Variants in CLIC6 observed in about 807,000 individuals in gnomAD.
CLIC6 encodes CLIC family member 6.
CLIC6 carries 39 observed loss-of-function variants against 49.2 expected under a neutral mutation model. That is an observed-to-expected ratio of 0.79 (90% confidence interval 0.61 to 1.04). The LOEUF is 1.04. CLIC6 is among the 50% of genes least tolerant of loss of function. The pLI is 0.00. For missense variants in CLIC6, 988 were observed against 993.1 expected (o/e 0.99, Z 0.07); for synonymous variants, 446 against 433.4 (o/e 1.03, Z -0.36).
Position 34,669,349 on chromosome 21 carries a change from T to G in CLIC6, c.-40T>G, listed in dbSNP as rs1317457153. 3 of 1,232,078 alleles carry G rather than the reference T, an allele frequency of 2.4e-6. No homozygotes were observed. The highest frequency in any genetic ancestry group is 3.0e-6 in the Non-Finnish European group (3 of 987,346). 76.3% of individuals were successfully genotyped at this position (1,232,078 alleles called of 1,614,324 possible). Reference sequence around the variant, plus strand: ...CAGCGCCACCGACCCTTAAGCAGCGTCAAGGAAGGAGTCCCGATCAAGGAC... The same window carrying G: ...CAGCGCCACCGACCCTTAAGCAGCGGCAAGGAAGGAGTCCCGATCAAGGAC... On this transcript the variant is annotated 5_prime_UTR_variant, in exon 1 of 6. Transcript: ENST00000349499.
chr21:34,715,249 C>T (rs1410290402), intron 5 of CLIC6, among the ~76,000 whole-genome samples: 2 of 152,180 alleles, frequency 1.3e-5, no homozygotes, highest in African/African-American at 4.8e-5. Flanking sequence ...GTGTTGAGAT[C>T]CTAACCCCCA....
intron 1 of CLIC6, among the ~76,000 whole-genome samples, chr21:34,672,584 T>C (rs1989586266): frequency 6.6e-6 from 1 of 152,230 alleles, no homozygotes; most frequent in Non-Finnish European, 1.5e-5. Context: ...GCCCTCAGCC[T>C]GCTATGTCTC....
chr21:34,700,825 C>G (rs1365355915), intron 1 of CLIC6, among the ~76,000 whole-genome samples: 1 of 139,788 alleles, frequency 7.2e-6, no homozygotes, highest in Admixed American at 6.9e-5. Context: ...GTTCTCTGGA[C>G]GCTTGCCACC....
Position 34,670,679 on chromosome 21 carries a change from C to G in CLIC6, c.1291C>G (p.Arg431Gly), listed in dbSNP as rs1013158844. ...CGCCGAGGGTAGCGGCGAGGCCGCGCGCGTGAACGGCCGCCGGGAGGACGG... is the reference window on the plus strand; with the variant it reads ...CGCCGAGGGTAGCGGCGAGGCCGCGGGCGTGAACGGCCGCCGGGAGGACGG... Reference protein sequence around the residue: ...GPAEGSGEAARVNGRREDGEA... With the variant: ...GPAEGSGEAAGVNGRREDGEA... The change falls in exon 1 of 6, where the codon CGC (arginine) becomes GGC (glycine). Residue 431 changes from arginine (R) to glycine (G), a missense_variant. Transcript: ENST00000349499. The G allele has an allele frequency of 4.9e-5, 78 of 1,577,006 alleles. No individual in the cohort carries two copies. Among genetic ancestry groups the G allele is most frequent in the Non-Finnish European group, 6.5e-5 (76 of 1,165,208 alleles).
At chr21:34,697,335 G>A (rs1990106107) in intron 1 of CLIC6, among the ~76,000 whole-genome samples, 1 of 152,188 alleles carries the variant, frequency 6.6e-6, no homozygotes, top group African/African-American at 2.4e-5. Flanking sequence ...CAGACTTGGG[G>A]AGTTTGTTAG....
intron 1 of CLIC6, among the ~76,000 whole-genome samples, chr21:34,678,965 C>T (rs1989725417): frequency 6.6e-6 from 1 of 152,192 alleles, no homozygotes; most frequent in African/African-American, 2.4e-5. Flanking sequence ...AATGTATTAT[C>T]TATTTCTGTG....
chr21:34,670,125 TGGGGGACAGCGTAGAGGC>T lies in CLIC6; in HGVS notation c.745_762del (p.Ser249_Asp254del), dbSNP rs1989517365. On this transcript the variant is annotated inframe_deletion, in exon 1 of 6. Coordinates refer to ENST00000349499, the MANE Select transcript of CLIC6 (RefSeq NM_053277.3). ...GACAGCGTAGACGCGGAGGGCCGGGTGGGGGACAGCGTAGAGGCGGGGGACCCGGCGGGGGACGGCGTA... is the reference window on the plus strand; with the variant it reads ...GACAGCGTAGACGCGGAGGGCCGGGTGGGGGACCCGGCGGGGGACGGCGTA... The T allele has an allele frequency of 1.3e-6, 1 of 793,016 alleles. No individual in the cohort carries two copies. Among genetic ancestry groups the T allele is most frequent in the African/African-American group, 5.1e-5 (1 of 19,662 alleles). The allele number at this position is 793,016 out of a possible 1,614,324, so 49.1% of individuals were successfully genotyped here. A position where few individuals can be genotyped will look rare whatever the true frequency, so the allele number is the denominator to read the frequency against.
chr21:34,689,388 T>G (rs1423893921), intron 1 of CLIC6, among the ~76,000 whole-genome samples: 2 of 152,166 alleles, frequency 1.3e-5, no homozygotes, highest in Admixed American at 6.5e-5. Context: ...AGAATGATGT[T>G]TTTCCTTTGG....
At position 34,669,658 on chromosome 21, in the gene CLIC6, GGA is replaced by G. The variant is rs1989488634; in HGVS notation, c.272_273del (p.Glu91GlyfsTer55). ...GETEAEEGAP[E>X]GAEVPQGGEE... ...AGACTGAGGCCGAGGAGGGAGCCCC[GGA>G]GGGTGCCGAGGTGCCCCAAGGAGGG... On this transcript the variant is annotated frameshift_variant, in exon 1 of 6. Coordinates refer to ENST00000349499, the MANE Select transcript of CLIC6 (RefSeq NM_053277.3). LOFTEE classifies it high-confidence loss of function. The G allele has an allele frequency of 7.5e-7, 1 of 1,325,574 alleles. No homozygotes were observed. Among genetic ancestry groups the G allele is most frequent in the Non-Finnish European group, 9.6e-7 (1 of 1,042,572 alleles). The allele number at this position is 1,325,574 out of a possible 1,614,324, so 82.1% of individuals were successfully genotyped here.
intron 1 of CLIC6, among the ~76,000 whole-genome samples, chr21:34,703,371 C>G (rs1179656353): frequency 6.6e-6 from 1 of 152,028 alleles, no homozygotes; most frequent in Non-Finnish European, 1.5e-5. Context: ...GTGGCTTGCT[C>G]TGGTGAGAAG....
At chr21:34,698,094 A>G (rs927945360) in intron 1 of CLIC6, among the ~76,000 whole-genome samples, 3 of 152,218 alleles carry the variant, frequency 2.0e-5, no homozygotes, top group African/African-American at 7.2e-5. Flanking sequence ...CTGTGAGGAC[A>G]GGGTTTCATT....
At chr21:34,685,711 G>A (rs1273068087) in intron 1 of CLIC6, among the ~76,000 whole-genome samples, 1 of 152,164 alleles carries the variant, frequency 6.6e-6, no homozygotes, top group East Asian at 1.9e-4. Flanking sequence ...ATCAGACATG[G>A]AGGGGGACAT....
At chr21:34,698,912 A>G (rs1003668744) in intron 1 of CLIC6, among the ~76,000 whole-genome samples, 1 of 152,186 alleles carries the variant, frequency 6.6e-6, no homozygotes, top group African/African-American at 2.4e-5. Flanking sequence ...GTGGCTTCAA[A>G]AGCAGAAACG....
chr21:34,669,546 G>T lies in CLIC6; in HGVS notation c.158G>T (p.Gly53Val), dbSNP rs541945473. 1.2e-3 allele frequency: 1,442 copies of T among 1,245,350 alleles called. 3 individuals carry two copies. The highest frequency in any genetic ancestry group is 2.1e-3 in the Middle Eastern group (7 of 3,262). 77.1% of individuals were successfully genotyped at this position (1,245,350 alleles called of 1,614,324 possible). ...GSEGAEEAPR[G>V]AAAVKEAGGG... Reference sequence around the variant, plus strand: ...GAGGGCGCAGAGGAGGCGCCGAGGGGCGCCGCCGCTGTGAAGGAGGCAGGA... The same window carrying T: ...GAGGGCGCAGAGGAGGCGCCGAGGGTCGCCGCCGCTGTGAAGGAGGCAGGA... The change falls in exon 1 of 6, where the codon GGC becomes GTC. Residue 53 changes from glycine (G) to valine (V), a missense_variant. Around this residue, in one of 3 missense-constraint regions of CLIC6, gnomAD observed 284 missense variants for 278.6 expected, o/e 1.02. Coordinates refer to ENST00000349499, the MANE Select transcript of CLIC6 (RefSeq NM_053277.3).
chr21:34,710,298 ATTAT>A (rs975775456), intron 5 of CLIC6, among the ~76,000 whole-genome samples: 1 of 152,000 alleles, frequency 6.6e-6, no homozygotes, highest in African/African-American at 2.4e-5. Context: ...TAGGTTATTA[ATTAT>A]TTATTTATTT....
chr21:34,676,278 C>T (rs537261720), intron 1 of CLIC6, among the ~76,000 whole-genome samples: 2 of 28,946 alleles, frequency 6.9e-5, no homozygotes, highest in East Asian at 2.2e-3. Flanking sequence ...GCCAACACTC[C>T]AATCCATGCT....
chr21:34,693,631 C>T (rs768321556), intron 1 of CLIC6, among the ~76,000 whole-genome samples: 8 of 152,068 alleles, frequency 5.3e-5, no homozygotes, highest in Non-Finnish European at 4.4e-5. Flanking sequence ...GAAAAATTGG[C>T]GAAAAATAAC....
At position 34,669,285 on chromosome 21, in the gene CLIC6, T is replaced by G; in HGVS notation, c.-104T>G. 1 of 995,982 alleles carries G rather than the reference T, an allele frequency of 1.0e-6. No homozygotes were observed. The highest frequency in any genetic ancestry group is 1.3e-6 in the Non-Finnish European group (1 of 773,050). 61.7% of individuals were successfully genotyped at this position (995,982 alleles called of 1,614,324 possible). ...CCGCAGGATCCCGGAGCCGGCGTCC[T>G]TCAAGGAGCACAGAGGGCCCCGTAG... On this transcript the variant is annotated 5_prime_UTR_variant, in exon 1 of 6. Transcript: ENST00000349499.
At position 34,670,237 on chromosome 21, in the gene CLIC6, G is replaced by A. The variant is rs887316535; in HGVS notation, c.849G>A (p.Glu283=). The change falls in exon 1 of 6, where the codon GAG becomes GAA. Residue 283 remains glutamate, a synonymous_variant. Coordinates refer to ENST00000349499, the MANE Select transcript of CLIC6 (RefSeq NM_053277.3). ...CGGCGGGGGACAGCATGGACGCCGAGGGTCCGGCAGGAAGGGCGCGCCGGG... is the reference window on the plus strand; with the variant it reads ...CGGCGGGGGACAGCATGGACGCCGAAGGTCCGGCAGGAAGGGCGCGCCGGG... ...EGPAGDSMDA[E]GPAGRARRVS... 24 of 1,423,920 alleles carry A rather than the reference G, an allele frequency of 1.7e-5. No homozygotes were observed. In the Admixed American group the frequency reaches 2.3e-4, roughly 14 times the overall value. The allele number at this position is 1,423,920 out of a possible 1,614,324, so 88.2% of individuals were successfully genotyped here. A position where few individuals can be genotyped will look rare whatever the true frequency, so the allele number is the denominator to read the frequency against.
Sources: gnomAD v4.1 joint callset for allele counts (sites outside exome capture counted in the v4.1 genomes callset) on GRCh38, gnomAD v4.1.1 for gene constraint, gnomAD v4.1.1 regional missense constraint, MANE v1.5 for transcripts, NCBI Gene and HGNC (gene_info 2026-07-23, HGNC 2026-07-21) for gene names.